Variants in TMBIM6 observed in about 807,000 individuals in gnomAD.
TMBIM6 encodes the protein transmembrane BAX inhibitor motif containing 6.
Under a neutral mutation model 31.4 loss-of-function variants are expected in TMBIM6, and 13 were observed. The observed-to-expected ratio is 0.41, with a 90% confidence interval of 0.27 to 0.66. The LOEUF (loss-of-function observed/expected upper bound fraction) is 0.66. Among genes scored for constraint, TMBIM6 ranks in the 30% least tolerant of loss-of-function variants. The probability of loss-of-function intolerance (pLI) is 0.28; values close to 1 mark genes in which losing one functional copy is unlikely to be tolerated. For synonymous variants in TMBIM6, 85 were observed against 101.7 expected, an observed-to-expected ratio of 0.84 and a Z score of 0.99; for missense variants, 275 against 289.5, an observed-to-expected ratio of 0.95 and a Z score of 0.36.
At chr12:49,757,584 G>T (rs940213357) in intron 4 of TMBIM6, among the ~76,000 whole-genome samples, 3 of 152,230 alleles carry the variant, frequency 2.0e-5, no homozygotes, top group African/African-American at 7.2e-5. Context: ...AGAACAGCTT[G>T]TTCTGAGTGA....
chr12:49,757,414 C>G (rs1002670700), intron 4 of TMBIM6, among the ~76,000 whole-genome samples: 3 of 152,304 alleles, frequency 2.0e-5, no homozygotes. Context: ...AGCTTCTGTT[C>G]TGAGTCTTAC....
chr12:49,743,260 A>G (rs1005617846), intron 1 of TMBIM6, among the ~76,000 whole-genome samples: 3 of 150,922 alleles, frequency 2.0e-5, no homozygotes, highest in Non-Finnish European at 2.9e-5. Flanking sequence ...TTTTTGAGAC[A>G]GTCTCACTCC....
rs775981705 is a variant in TMBIM6 at position 49,753,097 on chromosome 12, T to C, written c.165+16T>C. 1 of 1,606,260 alleles carries C rather than the reference T, an allele frequency of 6.2e-7. No individual in the cohort carries two copies. The highest frequency in any genetic ancestry group is 1.1e-5 in the South Asian group (1 of 90,426). ...TTTCATTCAGGTAAGAACGATTTTC[T>C]CTCCTGGTTGCTGTGGTACAAATTA... On this transcript the variant is annotated intron_variant, in intron 3 of 9. Transcript: ENST00000267115.
At chr12:49,757,644 T>A (rs750055922) in intron 4 of TMBIM6, among the ~76,000 whole-genome samples, 1 of 152,210 alleles carries the variant, frequency 6.6e-6, no homozygotes, top group Non-Finnish European at 1.5e-5. Context: ...ATTTAGGGAT[T>A]AAAATTTTTG....
intron 8 of TMBIM6, among the ~76,000 whole-genome samples, chr12:49,760,199 A>G (rs1007301468): frequency 2.0e-5 from 3 of 151,086 alleles, no homozygotes; most frequent in Non-Finnish European, 2.9e-5. Context: ...AGGGAAAGAG[A>G]TCTTTCTCCT....
chr12:49,754,082 T>C (rs1945545278), intron 3 of TMBIM6, among the ~76,000 whole-genome samples: 1 of 152,202 alleles, frequency 6.6e-6, no homozygotes, highest in African/African-American at 2.4e-5. Flanking sequence ...TCAGTTCTCG[T>C]ATTGTAAACA....
intron 7 of TMBIM6, 57 bp from the exon 8 acceptor site, chr12:49,759,164 G>GTTTTTTTT: frequency 7.0e-7 from 1 of 1,422,522 alleles, no homozygotes; most frequent in Admixed American, 1.7e-5. Flanking sequence ...AGTATGGCTG[G>GTTTTTTTT]TTTTTTTTTC....
chr12:49,759,351 A>G (rs758307696), intron 8 of TMBIM6, 30 bp downstream of exon 8: 2 of 1,580,924 alleles, frequency 1.3e-6, no homozygotes, highest in Non-Finnish European at 1.7e-6. Context: ...TTTAACAAGC[A>G]TGAAGGTTGA....
intron 4 of TMBIM6, 26 bp downstream of exon 4, chr12:49,755,781 T>G (rs773987733): frequency 1.7e-5 from 27 of 1,608,394 alleles, no homozygotes; most frequent in Non-Finnish European, 2.2e-5. Flanking sequence ...TGTCTAATTT[T>G]GAGGGGTGAG....
At chr12:49,752,346 G>A in intron 1 of TMBIM6, 118 bp from the exon 2 acceptor site, 3 of 660,306 alleles carry the variant, frequency 4.5e-6, no homozygotes, top group Non-Finnish European at 7.4e-6. Flanking sequence ...TGTTAGGGCT[G>A]TAGAATTTTA....
At position 49,758,240 on chromosome 12, in the gene TMBIM6, C is replaced by T; in HGVS notation, c.300C>T (p.Gly100=). 1 of 1,614,226 alleles carries T rather than the reference C, an allele frequency of 6.2e-7. No homozygotes were observed. The highest frequency in any genetic ancestry group is 8.5e-7 in the Non-Finnish European group (1 of 1,180,048). ...TCTGTTTTCTAGGAGTTGGCCTGGG[C>T]CCTGCCCTGGAGTTTTGTATTGCTG... ...GFAFLTGVGL[G]PALEFCIAVN... The change falls in exon 5 of 10, where the codon GGC becomes GGT. Residue 100 remains glycine (G), a synonymous_variant. Coordinates refer to ENST00000267115, the MANE Select transcript of TMBIM6 (RefSeq NM_003217.3).
At chr12:49,753,376 G>T (rs1945531836) in intron 3 of TMBIM6, among the ~76,000 whole-genome samples, 2 of 152,128 alleles carry the variant, frequency 1.3e-5, no homozygotes. Context: ...GGATTCTTTG[G>T]CACAGAAGCT....
intron 1 of TMBIM6, among the ~76,000 whole-genome samples, chr12:49,748,282 G>A (rs1945433898): frequency 6.6e-6 from 1 of 152,068 alleles, no homozygotes; most frequent in Admixed American, 6.6e-5. Flanking sequence ...TAGGACAAGG[G>A]TAAGGGAGAT....
intron 1 of TMBIM6, among the ~76,000 whole-genome samples, chr12:49,747,700 G>A (rs529721111): frequency 5.3e-5 from 8 of 152,154 alleles, no homozygotes; most frequent in Non-Finnish European, 1.0e-4. Flanking sequence ...TTAAATGTGC[G>A]AACAGTGTTT....
Position 49,764,276 on chromosome 12 carries a change from C to T in TMBIM6, c.*1380C>T, listed in dbSNP as rs1465398507. On this transcript the variant is annotated 3_prime_UTR_variant, in exon 10 of 10. Coordinates refer to ENST00000267115, the MANE Select transcript of TMBIM6 (RefSeq NM_003217.3). The stretch of plus-strand genomic sequence containing the variant: ...GGCTCTGAGCTGCTCTACAGAGCTT[C>T]AGTGTGAGAGGATCGAGCCATTGAA... 6.6e-6 allele frequency: 1 copy of T among 152,132 alleles called. No individual in the cohort carries two copies. Among genetic ancestry groups the T allele is most frequent in the African/African-American group, 2.4e-5 (1 of 41,408 alleles). The allele number at this position is 152,132 out of a possible 1,614,324, so 9.4% of individuals were successfully genotyped here.
Position 49,742,334 on chromosome 12 carries a change from T to C in TMBIM6, c.-31+723T>C, listed in dbSNP as rs1945312514. The C allele has an allele frequency of 6.6e-6, 10 of 1,518,814 alleles. No individual in the cohort carries two copies. The South Asian group carries it at 1.3e-4, about 20-fold the overall frequency. 94.1% of individuals were successfully genotyped at this position (1,518,814 alleles called of 1,614,324 possible). On this transcript the variant is annotated intron_variant, in intron 1 of 9. Transcript: ENST00000267115. ...GAGGTTTTGTGGGCGTCTTTCTAAG[T>C]CTGCTCAGCAAGGGCGTCGTTGGGC... is the stretch of plus-strand genomic sequence containing the variant.
intron 4 of TMBIM6, among the ~76,000 whole-genome samples, chr12:49,756,229 G>A (rs1212577876): frequency 1.3e-4 from 19 of 151,578 alleles, no homozygotes; most frequent in Non-Finnish European, 2.4e-4. Flanking sequence ...TCTGCCTTCC[G>A]GGTTCAAGCG....
At chr12:49,742,011 G>C in intron 1 of TMBIM6, 1 of 1,362,728 alleles carries the variant, frequency 7.3e-7, no homozygotes, top group East Asian at 2.5e-5. Context: ...ACGTCCTTCC[G>C]AGGTGAAGGA....
intron 1 of TMBIM6, chr12:49,744,404 T>C (rs1945353013): frequency 6.6e-6 from 1 of 152,182 alleles, no homozygotes; most frequent in Non-Finnish European, 1.5e-5. Context: ...CTCTGTTTTG[T>C]TCCCCCAGAG....
Sources: allele counts gnomAD v4.1 joint callset (sites outside exome capture counted in the v4.1 genomes callset), GRCh38; gene constraint gnomAD v4.1.1; transcripts MANE v1.5; gene names NCBI Gene and HGNC (gene_info 2026-07-23, HGNC 2026-07-21).